The following NBR1 variants were observed in gnomAD, a reference collection of about 807,000 sequenced individuals.
NBR1 encodes next to BRCA1 gene 1 protein.
In NBR1, 59 loss-of-function variants were observed where a neutral mutation model predicts 115.5. That is an observed-to-expected ratio of 0.51 (90% CI 0.41 to 0.63). NBR1 has a LOEUF of 0.63. Ranked by LOEUF, NBR1 falls within the 30% of genes least tolerant of loss-of-function variation. The pLI, the probability that NBR1 is intolerant of heterozygous loss-of-function variation, is 0.00. For missense variants in NBR1, 1,043 were observed against 1,150.5 expected (o/e 0.91, Z 1.35); for synonymous variants, 373 against 414.7 (o/e 0.90, Z 1.22).
In NBR1 at chr17:43,193,387, G is replaced by T; in HGVS notation, c.1273G>T (p.Glu425Ter). ...GGGAAACCTGACTTTGGCTTCCACA[G>T]AAAAGAAGGATGTTTTGGTTCCCTG... ...MWGNLTLAST[E>*]KKDVLVPCLK... Residue 425 changes from glutamate (E) to a stop codon, truncating the protein, a stop_gained, in exon 12 of 21, where the codon GAA becomes TAA. Coordinates refer to ENST00000590996, the MANE Select transcript of NBR1 (RefSeq NM_005899.5). LOFTEE classifies it high-confidence loss of function. The T allele has an allele frequency of 6.2e-7, 1 of 1,614,016 alleles. No individual in the cohort carries two copies. The highest frequency in any genetic ancestry group is 8.5e-7 in the Non-Finnish European group (1 of 1,179,896).
chr17:43,189,803 G>T lies in NBR1; in HGVS notation c.695+1G>T. The T allele has an allele frequency of 6.2e-7, 1 of 1,613,026 alleles. No homozygotes were observed. ...TTGTTGGTGTCCGCTACCAGTGTAGGTAAGCAGTTGCTTGGGAGTAGCTAG... is the reference window on the plus strand; with the variant it reads ...TTGTTGGTGTCCGCTACCAGTGTAGTTAAGCAGTTGCTTGGGAGTAGCTAG... On this transcript the variant is annotated splice_donor_variant, in intron 8 of 20. Transcript: ENST00000590996. LOFTEE classifies it high-confidence loss of function.
In NBR1 at chr17:43,193,114, C is replaced by T. The variant is rs1459998014; in HGVS notation, c.1094C>T (p.Thr365Ile). The change falls in exon 11 of 21, where the codon ACC (threonine) becomes ATC (isoleucine). Residue 365 changes from threonine (T) to isoleucine (I), a missense_variant. Physicochemically the swap from Thr to Ile is moderately conservative, Grantham distance 89. Coordinates refer to ENST00000590996, the MANE Select transcript of NBR1 (RefSeq NM_005899.5). ...TTCAGGCTCCCTTTGCAGCCCTGTA[C>T]CTCCGTTATGCCAATGCTCAGTGCA... ...NTLMLPLQPC[T>I]SVMPMLSAAF... The T allele has an allele frequency of 6.2e-7, 1 of 1,613,924 alleles. No homozygotes were observed. The highest frequency in any genetic ancestry group is 1.7e-5 in the Admixed American group (1 of 60,018).
intron 8 of NBR1, chr17:43,190,010 A>G (rs770900046): frequency 1.8e-6 from 1 of 565,178 alleles, no homozygotes. Flanking sequence ...GTGCATTTGG[A>G]TTAGCAAAGC....
At position 43,193,487 on chromosome 17, in the gene NBR1, A is replaced by G. The variant is rs1274435010; in HGVS notation, c.1373A>G (p.His458Arg). 6 of 1,613,782 alleles carry G rather than the reference A, an allele frequency of 3.7e-6. No homozygotes were observed. The Admixed American group carries it at 1.0e-4, about 27-fold the overall frequency. The part of the protein sequence containing the change: ...APALEGTYTS[H>R]WRLSHKGQQF... The stretch of plus-strand genomic sequence containing the variant: ...GCCTTGGAGGGAACGTATACTTCCC[A>G]TTGGCGTCTTTCTCACAAAGGCCAG... Residue 458 changes from histidine (H) to arginine (R), a missense_variant, in exon 12 of 21, where the codon CAT becomes CGT. By Grantham distance (29) the His-to-Arg change is conservative. Coordinates refer to ENST00000590996, the MANE Select transcript of NBR1 (RefSeq NM_005899.5).
rs1366671438 is a variant in NBR1, at chr17:43,200,390, G to A, written c.2250G>A (p.Met750Ile). 6.9e-6 allele frequency: 11 copies of A among 1,590,194 alleles called. No individual in the cohort carries two copies. Among genetic ancestry groups the A allele is most frequent in the Non-Finnish European group, 8.6e-6 (10 of 1,168,528 alleles). Reference protein sequence around the residue: ...FDTSRPLGDSMYSSALSQPGL... With the variant: ...FDTSRPLGDSIYSSALSQPGL... ...CCAGCCGCCCCCTGGGGGATTCTAT[G>A]TACAGCTCTGCGCTCTCACAGCCAG... The change falls in exon 17 of 21, where the codon ATG becomes ATA. Residue 750 changes from methionine (M) to isoleucine (I), a missense_variant. Coordinates refer to ENST00000590996, the MANE Select transcript of NBR1 (RefSeq NM_005899.5).
At chr17:43,189,983 G>C in intron 8 of NBR1, 181 bp downstream of exon 8, 1 of 611,986 alleles carries the variant, frequency 1.6e-6, no homozygotes, top group Non-Finnish European at 2.9e-6. Flanking sequence ...TAACTATTCA[G>C]ATTGTTGTGT....
At position 43,177,925 on chromosome 17, in the gene NBR1, C is replaced by CTT; in HGVS notation, c.103-10_103-9insTT. The CTT allele has an allele frequency of 6.7e-7, 1 of 1,502,706 alleles. No individual in the cohort carries two copies. Among genetic ancestry groups the CTT allele is most frequent in the East Asian group, 2.3e-5 (1 of 42,834 alleles). The allele number at this position is 1,502,706 out of a possible 1,614,324, so 93.1% of individuals were successfully genotyped here. A position where few individuals can be genotyped will look rare whatever the true frequency, so the allele number is the denominator to read the frequency against. The stretch of plus-strand genomic sequence containing the variant: ...TTATAACCTGCCTTTAAATATGTAT[C>CTT]TCTTTTATAGGTAAAAGTTTCATTT... On this transcript the variant is annotated splice_polypyrimidine_tract_variant and intron_variant, in intron 2 of 20. Coordinates refer to ENST00000590996, the MANE Select transcript of NBR1 (RefSeq NM_005899.5).
intron 18 of NBR1, 104 bp from the exon 19 acceptor site, chr17:43,202,551 C>A: frequency 2.8e-5 from 18 of 632,158 alleles, no homozygotes; most frequent in Non-Finnish European, 4.5e-5. Context: ...ACTTCAAACA[C>A]TGTGATCAGA....
At chr17:43,190,024 G>A in intron 8 of NBR1, 2 of 556,422 alleles carry the variant, frequency 3.6e-6, no homozygotes, top group South Asian at 2.2e-5. Flanking sequence ...GCAAAGCCAG[G>A]CAAAATTATG....
chr17:43,181,094 A>G (rs960571485), intron 5 of NBR1, among the ~76,000 whole-genome samples: 13 of 152,158 alleles, frequency 8.5e-5, no homozygotes, highest in African/African-American at 3.1e-4. Flanking sequence ...GCTGGTCTGG[A>G]ACTCTTGGGC....
intron 20 of NBR1, among the ~76,000 whole-genome samples, chr17:43,208,414 G>A (rs889740022): frequency 6.6e-6 from 1 of 152,196 alleles, no homozygotes; most frequent in Admixed American, 6.5e-5. Flanking sequence ...TCTGAAATAA[G>A]AAGGTAGAAT....
Position 43,200,579 on chromosome 17 carries a change from G to A in NBR1, c.2439G>A (p.Glu813=), listed in dbSNP as rs1298748107. 1.2e-6 allele frequency: 2 copies of A among 1,608,864 alleles called. No individual in the cohort carries two copies. The highest frequency in any genetic ancestry group is 1.1e-5 in the South Asian group (1 of 90,868). ...QTLETVPLIP[E]VVELPPSLPR... Reference sequence around the variant, plus strand: ...TGGAAACAGTGCCCCTAATCCCAGAGGTAGTGGAGCTTCCACCGTCACTGC... The same window carrying A: ...TGGAAACAGTGCCCCTAATCCCAGAAGTAGTGGAGCTTCCACCGTCACTGC... Residue 813 remains glutamate, a synonymous_variant, in exon 17 of 21, where the codon GAG becomes GAA. Coordinates refer to ENST00000590996, the MANE Select transcript of NBR1 (RefSeq NM_005899.5).
In NBR1 at chr17:43,200,261, T is replaced by TGAGGAGGATGAG. The variant is rs1264701070; in HGVS notation, c.2130_2141dup (p.Asp710_Glu713dup). ...AAGCTGTCATGGAGGAGGAGGAGGA[T>TGAGGAGGATGAG]GAGGAGGATGAGGAGGAGGAGGATG... is the stretch of plus-strand genomic sequence containing the variant. On this transcript the variant is annotated inframe_insertion, in exon 17 of 21. Transcript: ENST00000590996. The TGAGGAGGATGAG allele has an allele frequency of 7.1e-6, 11 of 1,549,020 alleles. No individual in the cohort carries two copies. Among genetic ancestry groups the TGAGGAGGATGAG allele is most frequent in the Middle Eastern group, 1.7e-4 (1 of 5,990 alleles).
At chr17:43,175,666 G>GTT in intron 1 of NBR1, 125 bp from the exon 2 acceptor site, 1 of 308,966 alleles carries the variant, frequency 3.2e-6, no homozygotes, top group South Asian at 4.0e-5. Context: ...TTTGTTCATT[G>GTT]CTGTCTCCCA....
At position 43,177,620 on chromosome 17, in the gene NBR1, C is replaced by G. The variant is rs868624910; in HGVS notation, c.103-316C>G. 1.1e-3 allele frequency among the ~76,000 whole-genome samples: 161 copies of G among 141,680 alleles called. 1 individual carries two copies. Among genetic ancestry groups the G allele is most frequent in the African/African-American group, 2.8e-3 (110 of 39,082 alleles). 92.9% of individuals were successfully genotyped at this position (141,680 alleles called of 152,430 possible). A position where few individuals can be genotyped will look rare whatever the true frequency, so the allele number is the denominator to read the frequency against. On this transcript the variant is annotated intron_variant, in intron 2 of 20. Transcript: ENST00000590996. ...ACACACACACACACACACACACACACAGTTTGGTATTCTGATGAGATGTCA... is the reference window on the plus strand; with the variant it reads ...ACACACACACACACACACACACACAGAGTTTGGTATTCTGATGAGATGTCA...
chr17:43,190,304 C>T, intron 8 of NBR1: 1 of 388,650 alleles, frequency 2.6e-6, no homozygotes, highest in Non-Finnish European at 4.9e-6. Context: ...CTACTGGACT[C>T]AAATGATCCT....
intron 1 of NBR1, among the ~76,000 whole-genome samples, chr17:43,175,095 G>A (rs1386751866): frequency 6.6e-5 from 10 of 152,168 alleles, no homozygotes; most frequent in South Asian, 4.1e-4. Flanking sequence ...GCGAGACTCC[G>A]TCTCAAAAAT....
intron 16 of NBR1, among the ~76,000 whole-genome samples, chr17:43,198,641 GACTCCGTCTAAAAAAAAAAAATAAT>G (rs2057121344): frequency 6.7e-6 from 1 of 150,220 alleles, no homozygotes; most frequent in Middle Eastern, 3.2e-3. Flanking sequence ...GACAGAGCGA[GACTCCGTCTAAAAAAAAAAAATAAT>G]AAAGTGTACA....
intron 18 of NBR1, 54 bp downstream of exon 18, chr17:43,201,834 C>A: frequency 9.5e-7 from 1 of 1,050,110 alleles, no homozygotes; most frequent in Non-Finnish European, 1.5e-6. Flanking sequence ...CTAATGGAAA[C>A]CAGGTATAAA....
Sources: allele counts gnomAD v4.1 joint callset (sites outside exome capture counted in the v4.1 genomes callset), GRCh38; gene constraint gnomAD v4.1.1; transcripts MANE v1.5; gene names NCBI Gene and HGNC (gene_info 2026-07-23, HGNC 2026-07-21).